The following LRMDA variants were observed in gnomAD, a reference collection of about 807,000 sequenced individuals.
LRMDA encodes leucine-rich melanocyte differentiation-associated protein.
In LRMDA, 18 loss-of-function variants were observed where a neutral mutation model predicts 29.8. The ratio of observed to expected loss-of-function variants is 0.60; its 90% CI spans 0.42 to 0.90. The LOEUF (loss-of-function observed/expected upper bound fraction) is 0.90, where lower values mean the gene tolerates loss of function less well. Among genes scored for constraint, LRMDA ranks in the 40% least tolerant of loss-of-function variants. LRMDA has a pLI of 0.00. For missense variants in LRMDA, 273 were observed against 273.9 expected (o/e 1.00, Z 0.02); for synonymous variants, 125 against 109.4 (o/e 1.14, Z -0.89).
intron 2 of LRMDA, among the ~76,000 whole-genome samples, chr10:75,850,615 G>A (rs908719491): frequency 6.6e-6 from 1 of 152,146 alleles, no homozygotes; most frequent in Non-Finnish European, 1.5e-5. Flanking sequence ...AAACATCAAA[G>A]TCAAAACAGT....
intron 2 of LRMDA, among the ~76,000 whole-genome samples, chr10:75,746,113 A>G (rs935982046): frequency 6.6e-6 from 1 of 152,220 alleles, no homozygotes; most frequent in Admixed American, 6.5e-5. Flanking sequence ...AGCTAGATGA[A>G]CATTTCTTCT....
At chr10:76,261,974 T>C (rs1839949386) in intron 5 of LRMDA, among the ~76,000 whole-genome samples, 2 of 152,286 alleles carry the variant, frequency 1.3e-5, no homozygotes, top group South Asian at 4.1e-4. Flanking sequence ...ACGAGCCTCA[T>C]GTAATCCCAG....
At chr10:75,450,127 G>A (rs927545222) in intron 2 of LRMDA, 9 of 152,100 alleles carry the variant, frequency 5.9e-5, no homozygotes, top group East Asian at 1.9e-4. Flanking sequence ...CTCCCTGGCC[G>A]AGACTTTTCT....
chr10:75,953,268 G>A (rs1429499639), intron 2 of LRMDA, among the ~76,000 whole-genome samples: 2 of 152,018 alleles, frequency 1.3e-5, no homozygotes, highest in Non-Finnish European at 2.9e-5. Flanking sequence ...TATAGAGATA[G>A]CGGTCTCACT....
intron 2 of LRMDA, among the ~76,000 whole-genome samples, chr10:75,856,974 T>G (rs1379933609): frequency 6.6e-6 from 1 of 152,174 alleles, no homozygotes; most frequent in Non-Finnish European, 1.5e-5. Flanking sequence ...GATAGGCAAC[T>G]TCAGCAAAGT....
At chr10:75,909,102 A>C (rs1471052776) in intron 2 of LRMDA, among the ~76,000 whole-genome samples, 1 of 152,188 alleles carries the variant, frequency 6.6e-6, no homozygotes, top group Non-Finnish European at 1.5e-5. Flanking sequence ...AGGATAAAAA[A>C]GATAAAAAGA....
intron 2 of LRMDA, among the ~76,000 whole-genome samples, chr10:75,552,886 C>G (rs544720479): frequency 1.4e-4 from 22 of 151,914 alleles, no homozygotes; most frequent in African/African-American, 4.8e-4. Flanking sequence ...CTTTTGATTT[C>G]TAGCCTTTCC....
At chr10:75,862,700 G>C (rs773544125) in intron 2 of LRMDA, among the ~76,000 whole-genome samples, 1 of 152,132 alleles carries the variant, frequency 6.6e-6, no homozygotes, top group African/African-American at 2.4e-5. Flanking sequence ...ACCTCCTAGG[G>C]TTTGTTGGCG....
At chr10:76,033,524 C>T (rs1298323212) in intron 2 of LRMDA, among the ~76,000 whole-genome samples, 1 of 152,118 alleles carries the variant, frequency 6.6e-6, no homozygotes, top group Non-Finnish European at 1.5e-5. Context: ...CATCTTCATG[C>T]TGTGTCGTTT....
intron 5 of LRMDA, among the ~76,000 whole-genome samples, chr10:76,227,429 C>T (rs1363736420): frequency 6.6e-6 from 1 of 152,164 alleles, no homozygotes; most frequent in African/African-American, 2.4e-5. Flanking sequence ...TGACAACTGG[C>T]TCCATGAACG....
intron 5 of LRMDA, among the ~76,000 whole-genome samples, chr10:76,071,305 T>C (rs185604270): frequency 3.3e-4 from 51 of 152,298 alleles, no homozygotes; most frequent in African/African-American, 1.2e-3. Flanking sequence ...ATTGGCTCTT[T>C]AGACAATTAG....
chr10:76,060,480 A>C (rs2132056839), intron 5 of LRMDA, among the ~76,000 whole-genome samples: 1 of 152,274 alleles, frequency 6.6e-6, no homozygotes, highest in South Asian at 2.1e-4. Flanking sequence ...GGGTGAGGGA[A>C]CTGAGGGCTG....
intron 6 of LRMDA, among the ~76,000 whole-genome samples, chr10:76,407,288 C>G (rs140019067): frequency 6.6e-6 from 1 of 152,256 alleles, no homozygotes; most frequent in African/African-American, 2.4e-5. Flanking sequence ...TCTGTCCTAT[C>G]CTATTTCTAT....
intron 2 of LRMDA, among the ~76,000 whole-genome samples, chr10:75,756,265 G>A (rs779947950): frequency 8.5e-5 from 13 of 152,196 alleles, no homozygotes; most frequent in African/African-American, 2.4e-4. Flanking sequence ...AAAGTATTGC[G>A]TAGGACTTCC....
chr10:76,418,328 T>TTG (rs35733567), intron 6 of LRMDA, among the ~76,000 whole-genome samples: 3,004 of 149,604 alleles, frequency 0.02, 54 homozygotes, highest in South Asian at 0.09. Context: ...TTAGTTTTTC[T>TTG]TGTGTGTGTG....
chr10:76,022,043 A>G (rs2132492227), intron 2 of LRMDA, among the ~76,000 whole-genome samples: 1 of 152,322 alleles, frequency 6.6e-6, no homozygotes, highest in South Asian at 2.1e-4. Flanking sequence ...TTTATGTTAA[A>G]AGTCAAAGAA....
At chr10:75,657,268 G>T (rs907225274) in intron 2 of LRMDA, among the ~76,000 whole-genome samples, 2 of 152,220 alleles carry the variant, frequency 1.3e-5, no homozygotes, top group African/African-American at 4.8e-5. Context: ...TGGACCACCT[G>T]CTGTGAGAGT....
chr10:76,363,156 A>G (rs1373375396), intron 6 of LRMDA, among the ~76,000 whole-genome samples: 33 of 40,258 alleles, frequency 8.2e-4, no homozygotes, highest in Non-Finnish European at 1.4e-3. Context: ...AAAGAAAGAA[A>G]GAAAGAAAGA....
At chr10:75,809,510 G>A (rs189185910) in intron 2 of LRMDA, among the ~76,000 whole-genome samples, 2 of 152,268 alleles carry the variant, frequency 1.3e-5, no homozygotes, top group African/African-American at 2.4e-5. Flanking sequence ...AGGCGTGGTG[G>A]TGTGCACCTG....
Sources: gnomAD v4.1 joint callset for allele counts (sites outside exome capture counted in the v4.1 genomes callset) on GRCh38, gnomAD v4.1.1 for gene constraint, MANE v1.5 for transcripts, NCBI Gene and HGNC (gene_info 2026-07-23, HGNC 2026-07-21) for gene names.